Variants in PRDX4 observed in about 807,000 individuals in gnomAD.
PRDX4 encodes the protein peroxiredoxin-4.
In PRDX4, 12 loss-of-function variants were observed where a neutral mutation model predicts 20.5. The observed-to-expected ratio is 0.58, with a 90% CI of 0.37 to 0.95. The LOEUF (loss-of-function observed/expected upper bound fraction) is 0.95. Ranked by LOEUF, PRDX4 falls within the 40% of genes least tolerant of loss-of-function variation. The pLI, the probability that PRDX4 is intolerant of heterozygous loss-of-function variation, is 0.01. For synonymous variants in PRDX4, 99 were observed against 87.5 expected (o/e 1.13, Z -0.73); for missense variants, 180 against 207.3 (o/e 0.87, Z 0.81).
chrX:23,667,760 G>T lies in PRDX4; in HGVS notation c.190G>T (p.Ala64Ser). 1 of 1,211,494 alleles carries T rather than the reference G, an allele frequency of 8.3e-7. No homozygotes were observed. The highest frequency in any genetic ancestry group is 1.1e-6 in the Non-Finnish European group (1 of 895,291). ...YAGGQVYPGEASRVSVADHSL... is the reference protein window; with the variant it reads ...YAGGQVYPGESSRVSVADHSL... Reference sequence around the variant, plus strand: ...GGGTGGACAAGTGTACCCGGGAGAGGCATCCCGGGTATCGGTCGCCGACCA... The same window carrying T: ...GGGTGGACAAGTGTACCCGGGAGAGTCATCCCGGGTATCGGTCGCCGACCA... Residue 64 changes from alanine to serine, a missense_variant, in exon 1 of 7, where the codon GCA becomes TCA. By Grantham distance (99) the Ala-to-Ser change is moderately conservative. Transcript: ENST00000379341.
chrX:23,683,681 T>A lies in PRDX4; in HGVS notation c.741T>A (p.Ala247=). Residue 247 remains alanine, a synonymous_variant, in exon 6 of 7, where the codon GCT becomes GCA. Coordinates refer to ENST00000379341, the MANE Select transcript of PRDX4 (RefSeq NM_006406.2). ...TTTTGTTTCTTTTAGTCTGCCCTGC[T>A]GGCTGGAAACCTGGTAGTGAAACAG... ...YTDKHGEVCP[A]GWKPGSETII... The A allele has an allele frequency of 1.7e-6, 2 of 1,208,493 alleles. No homozygotes were observed. The highest frequency in any genetic ancestry group is 2.2e-6 in the Non-Finnish European group (2 of 893,950).
chrX:23,671,304 T>A (rs756526835), intron 1 of PRDX4: 212 of 321,498 alleles, frequency 6.6e-4, no homozygotes, highest in South Asian at 4.7e-3. Flanking sequence ...CCAATTTTTT[T>A]TAATATTTTT....
At chrX:23,685,642 A>G (rs1458418315) in intron 6 of PRDX4, among the ~76,000 whole-genome samples, 1 of 111,049 alleles carries the variant, frequency 9.0e-6, no homozygotes, top group East Asian at 2.8e-4. Context: ...TTATATATAT[A>G]AAGATAGATG....
intron 1 of PRDX4, among the ~76,000 whole-genome samples, chrX:23,670,961 C>T (rs1927830834): frequency 8.9e-6 from 1 of 111,813 alleles, no homozygotes; most frequent in African/African-American, 3.3e-5. Context: ...CAACTTGAAG[C>T]GGGACTATAG....
At chrX:23,670,980 C>A (rs1179936676) in intron 1 of PRDX4, among the ~76,000 whole-genome samples, 3 of 111,687 alleles carry the variant, frequency 2.7e-5, no homozygotes, top group African/African-American at 9.8e-5. Context: ...AGTGAAGTAT[C>A]CAGGAGGGTT....
chrX:23,678,266 CA>C (rs753068430), intron 3 of PRDX4, among the ~76,000 whole-genome samples: 81 of 76,968 alleles, frequency 1.1e-3, no homozygotes, highest in Admixed American at 1.3e-3. Flanking sequence ...GACTCCATCT[CA>C]AAAAAAAAAA....
intron 4 of PRDX4, among the ~76,000 whole-genome samples, chrX:23,681,769 G>A (rs1269150060): frequency 2.7e-5 from 3 of 112,205 alleles, no homozygotes; most frequent in African/African-American, 9.7e-5. Flanking sequence ...GGCCGGGCAT[G>A]GTGGCTCACG....
intron 1 of PRDX4, among the ~76,000 whole-genome samples, chrX:23,670,607 T>C (rs1601788858): frequency 8.9e-6 from 1 of 112,310 alleles, no homozygotes; most frequent in Non-Finnish European, 1.9e-5. Context: ...GTATAAGTGC[T>C]ATCTGAATGT....
chrX:23,670,007 GGA>G (rs1442513513), intron 1 of PRDX4, among the ~76,000 whole-genome samples: 2 of 111,219 alleles, frequency 1.8e-5, no homozygotes, highest in South Asian at 3.7e-4. Context: ...TGGGAGTTAT[GGA>G]GAGAGAGGAT....
intron 6 of PRDX4, among the ~76,000 whole-genome samples, chrX:23,684,776 A>G (rs893830885): frequency 1.8e-5 from 2 of 111,336 alleles, no homozygotes; most frequent in South Asian, 7.6e-4. Context: ...TGCTGGGATT[A>G]CAGGCATGAG....
chrX:23,672,016 A>T (rs1927854987), intron 2 of PRDX4, among the ~76,000 whole-genome samples: 2 of 112,231 alleles, frequency 1.8e-5, no homozygotes, highest in Non-Finnish European at 3.8e-5. Flanking sequence ...TAATCCCAGC[A>T]CTTTGGGAGG....
intron 2 of PRDX4, among the ~76,000 whole-genome samples, chrX:23,673,821 T>C (rs1244661965): frequency 9.1e-6 from 1 of 109,740 alleles, no homozygotes; most frequent in Non-Finnish European, 1.9e-5. Flanking sequence ...TAAAAATACA[T>C]TTTATAGCCC....
chrX:23,667,906 T>C, intron 1 of PRDX4, 95 bp downstream of exon 1: 2 of 1,136,471 alleles, frequency 1.8e-6, no homozygotes. Context: ...CGGCACCCCC[T>C]GGGCTGCCTC....
At chrX:23,674,305 T>C (rs1168393552) in intron 2 of PRDX4, among the ~76,000 whole-genome samples, 1 of 112,174 alleles carries the variant, frequency 8.9e-6, no homozygotes, top group Non-Finnish European at 1.9e-5. Flanking sequence ...GTATGTATGA[T>C]AGAGTCTCCT....
chrX:23,685,105 C>T (rs1928158793), intron 6 of PRDX4, among the ~76,000 whole-genome samples: 1 of 112,111 alleles, frequency 8.9e-6, no homozygotes, highest in African/African-American at 3.2e-5. Flanking sequence ...TTTGTGGCCC[C>T]CAAAAGTTAA....
At chrX:23,683,753 A>G in intron 6 of PRDX4, 48 bp downstream of exon 6, 1 of 1,120,650 alleles carries the variant, frequency 8.9e-7, no homozygotes, top group Non-Finnish European at 1.2e-6. Context: ...TTAGAGTTGA[A>G]AAAAATGCTG....
At chrX:23,674,762 TAAG>T (rs1409820245) in intron 2 of PRDX4, among the ~76,000 whole-genome samples, 1 of 112,094 alleles carries the variant, frequency 8.9e-6, no homozygotes, top group Non-Finnish European at 1.9e-5. Context: ...TAAGTTGTAA[TAAG>T]AAAGTTTATT....
In PRDX4 at chrX:23,671,692, A is replaced by G. The variant is rs376431356; in HGVS notation, c.359+46A>G. ...GCTAGTAAAATCTCAGTCTTTATCA[A>G]TTATTTTTCAGGAGTATCAAACAAA... is the stretch of plus-strand genomic sequence containing the variant. On this transcript the variant is annotated intron_variant, in intron 2 of 6. Transcript: ENST00000379341. 3 of 970,689 alleles carry G rather than the reference A, an allele frequency of 3.1e-6. No homozygotes were observed. In the East Asian group the frequency reaches 9.6e-5, roughly 31 times the overall value. 80.0% of individuals were successfully genotyped at this position (970,689 alleles called of 1,213,427 possible). A position where few individuals can be genotyped will look rare whatever the true frequency, so the allele number is the denominator to read the frequency against.
chrX:23,677,217 G>A (rs927402830), intron 3 of PRDX4, among the ~76,000 whole-genome samples: 20 of 111,497 alleles, frequency 1.8e-4, no homozygotes, highest in Non-Finnish European at 3.8e-4. Context: ...CTACTTGGGT[G>A]TCAGAACTGG....
Sources: gnomAD v4.1 joint callset for allele counts (sites outside exome capture counted in the v4.1 genomes callset) on GRCh38, gnomAD v4.1.1 for gene constraint, MANE v1.5 for transcripts, NCBI Gene and HGNC (gene_info 2026-07-23, HGNC 2026-07-21) for gene names.